GPC6: variants seen among roughly 807,000 people sequenced by gnomAD.
GPC6 encodes the protein glypican 6.
GPC6 carries 14 observed loss-of-function variants against 55.2 expected under a neutral mutation model. That is an observed-to-expected ratio of 0.25 (90% CI 0.17 to 0.40). GPC6 has a LOEUF of 0.40. GPC6 is among the 10% of genes least tolerant of loss of function. GPC6 has a pLI of 1.00. For missense variants in GPC6, 641 were observed against 708.5 expected (o/e 0.90, Z 1.08); for synonymous variants, 278 against 259.6 (o/e 1.07, Z -0.68).
chr13:93,271,073 G>A (rs1056155941), intron 1 of GPC6, among the ~76,000 whole-genome samples: 6 of 152,172 alleles, frequency 3.9e-5, no homozygotes, highest in African/African-American at 1.4e-4. Flanking sequence ...AAGGGGCAGG[G>A]AGTGTTTGTG....
At chr13:93,649,861 C>G (rs143183091) in intron 2 of GPC6, among the ~76,000 whole-genome samples, 132 of 152,204 alleles carry the variant, frequency 8.7e-4, no homozygotes, top group African/African-American at 3.1e-3. Flanking sequence ...TTTTAAATAT[C>G]CAAGGTCTTT....
At chr13:93,223,019 C>CTTTTTTTTTTT (rs3073915), upstream of GPC6, among the ~76,000 whole-genome samples, 63 of 100,772 alleles carry the variant, frequency 6.3e-4, 1 homozygote, top group South Asian at 1.2e-3. Context: ...AGGGAAAACA[C>CTTTTTTTTTTT]TTTTTTTTTT....
chr13:93,685,095 C>T (rs982194256), intron 2 of GPC6, among the ~76,000 whole-genome samples: 2 of 152,150 alleles, frequency 1.3e-5, no homozygotes, highest in Non-Finnish European at 2.9e-5. Context: ...CCACCCATTT[C>T]CAAGTTACTA....
At chr13:93,803,225 A>T (rs1039728940) in intron 2 of GPC6, among the ~76,000 whole-genome samples, 3 of 152,192 alleles carry the variant, frequency 2.0e-5, no homozygotes, top group African/African-American at 4.8e-5. Context: ...ATATACAAAT[A>T]ATAAAGAACT....
intron 1 of GPC6, among the ~76,000 whole-genome samples, chr13:93,468,800 T>C (rs1879005920): frequency 6.6e-6 from 1 of 152,214 alleles, no homozygotes; most frequent in Non-Finnish European, 1.5e-5. Context: ...GCAGTTTCAA[T>C]AGGTTAAACA....
chr13:94,005,944 G>A (rs1309326535), intron 3 of GPC6, among the ~76,000 whole-genome samples: 1 of 151,942 alleles, frequency 6.6e-6, no homozygotes, highest in East Asian at 1.9e-4. Context: ...AAGACTTATT[G>A]TACTGAGTAC....
intron 2 of GPC6, among the ~76,000 whole-genome samples, chr13:93,777,780 A>G (rs1378907088): frequency 1.3e-5 from 2 of 152,226 alleles, no homozygotes; most frequent in East Asian, 3.8e-4. Context: ...TTGTACCTAC[A>G]TATATCTATA....
At chr13:94,152,724 C>T (rs994743629) in intron 4 of GPC6, among the ~76,000 whole-genome samples, 1 of 152,076 alleles carries the variant, frequency 6.6e-6, no homozygotes, top group African/African-American at 2.4e-5. Context: ...CTGCAACTCT[C>T]ATTAAGGTAT....
chr13:93,499,091 T>TCACACACACACA (rs61370011), intron 1 of GPC6, among the ~76,000 whole-genome samples: 2,098 of 133,696 alleles, frequency 0.016, 26 homozygotes, highest in Middle Eastern at 0.039. Flanking sequence ...TCCTTAATTG[T>TCACACACACACA]CACACACACA....
chr13:93,747,876 C>T (rs893063740), intron 2 of GPC6, among the ~76,000 whole-genome samples: 4 of 152,146 alleles, frequency 2.6e-5, no homozygotes, highest in African/African-American at 9.7e-5. Flanking sequence ...CAGCAGTTAC[C>T]TGTTTAGATG....
chr13:93,391,293 G>C (rs1004863295), intron 1 of GPC6, among the ~76,000 whole-genome samples: 2 of 152,048 alleles, frequency 1.3e-5, no homozygotes, highest in Non-Finnish European at 2.9e-5. Context: ...AATTTAACTT[G>C]TCCTTTTTCA....
chr13:93,818,932 C>T (rs879384622), intron 2 of GPC6: 9 of 152,110 alleles, frequency 5.9e-5, no homozygotes, highest in South Asian at 2.1e-4. Flanking sequence ...TGTTGGAGAA[C>T]GAAGAGCTGC....
At chr13:94,170,896 G>A (rs1888542653) in intron 4 of GPC6, among the ~76,000 whole-genome samples, 1 of 152,172 alleles carries the variant, frequency 6.6e-6, no homozygotes, top group Admixed American at 6.5e-5. Context: ...CTCTGGGATT[G>A]TGTTGTTTTC....
At chr13:93,617,056 G>C (rs1455560821) in intron 2 of GPC6, among the ~76,000 whole-genome samples, 7 of 151,938 alleles carry the variant, frequency 4.6e-5, no homozygotes, top group Non-Finnish European at 1.0e-4. Context: ...TGTTTGAAAG[G>C]CATGCCAGAA....
chr13:93,677,129 T>C (rs1881665249), intron 2 of GPC6, among the ~76,000 whole-genome samples: 1 of 152,146 alleles, frequency 6.6e-6, no homozygotes, highest in Middle Eastern at 3.2e-3. Context: ...CAAGAGATGA[T>C]AAAGTGTTAG....
intron 4 of GPC6, among the ~76,000 whole-genome samples, chr13:94,095,919 G>A (rs1264322232): frequency 6.6e-6 from 1 of 152,096 alleles, no homozygotes; most frequent in Non-Finnish European, 1.5e-5. Flanking sequence ...AGGCCTGTGT[G>A]GACAGAAGTA....
At chr13:93,773,672 G>C (rs1885373167) in intron 2 of GPC6, among the ~76,000 whole-genome samples, 1 of 152,076 alleles carries the variant, frequency 6.6e-6, no homozygotes, top group Non-Finnish European at 1.5e-5. Flanking sequence ...TATGCCCTTT[G>C]ATTTGGCAAC....
At chr13:94,323,252 A>C (rs752271419) in intron 6 of GPC6, among the ~76,000 whole-genome samples, 1 of 152,206 alleles carries the variant, frequency 6.6e-6, no homozygotes, top group Non-Finnish European at 1.5e-5. Flanking sequence ...AAGCTTTGCA[A>C]GCACACAAGC....
intron 4 of GPC6, among the ~76,000 whole-genome samples, chr13:94,232,700 G>A (rs1890767111): frequency 1.3e-5 from 2 of 152,098 alleles, no homozygotes; most frequent in Admixed American, 1.3e-4. Flanking sequence ...TTTAGATTCT[G>A]TAATGGCCCA....
Sources: allele counts gnomAD v4.1 joint callset (sites outside exome capture counted in the v4.1 genomes callset), GRCh38; gene constraint gnomAD v4.1.1; transcripts MANE v1.5; gene names NCBI Gene and HGNC (gene_info 2026-07-23, HGNC 2026-07-21).